KATNAL1: variants seen among roughly 807,000 people sequenced by gnomAD.
KATNAL1 encodes katanin p60 ATPase-containing subunit A-like 1.
Under a neutral mutation model 55.2 loss-of-function variants are expected in KATNAL1, and 32 were observed. That is an observed-to-expected ratio of 0.58 (90% CI 0.44 to 0.78). The LOEUF (loss-of-function observed/expected upper bound fraction) is 0.78. Ranked by LOEUF, KATNAL1 falls within the 30% of genes least tolerant of loss-of-function variation. The pLI, the probability that KATNAL1 is intolerant of heterozygous loss-of-function variation, is 0.00. For synonymous variants in KATNAL1, 193 were observed against 193.6 expected (o/e 1.00, Z 0.02); for missense variants, 466 against 600.9 (o/e 0.78, Z 2.35).
At chr13:30,216,320 G>C (rs1326147682) in intron 9 of KATNAL1, among the ~76,000 whole-genome samples, 16 of 152,146 alleles carry the variant, frequency 1.1e-4, no homozygotes, top group Non-Finnish European at 2.2e-4. Flanking sequence ...TGCTGGGAGG[G>C]AACACGCTGG....
In KATNAL1 at chr13:30,255,502, T is replaced by C; in HGVS notation, c.437A>G (p.Glu146Gly). The stretch of plus-strand genomic sequence containing the variant: ...CTTGTCCCTACTTGTAGAAGGCTTT[T>C]CACTCTTTGATATAGGATGTGCTCG... ...VGRAHPISKS[E>G]KPSTSRDKDY... The change falls in exon 4 of 11, where the codon GAA becomes GGA. Residue 146 changes from glutamate (E) to glycine (G), a missense_variant. By Grantham distance (98) the Glu-to-Gly change is moderately conservative. Around this residue, in one of 3 missense-constraint regions of KATNAL1, gnomAD observed 248 missense variants for 275.5 expected, o/e 0.90. Coordinates refer to ENST00000380615, the MANE Select transcript of KATNAL1 (RefSeq NM_032116.5). 6.3e-7 allele frequency: 1 copy of C among 1,598,388 alleles called. No homozygotes were observed. The highest frequency in any genetic ancestry group is 8.5e-7 in the Non-Finnish European group (1 of 1,171,998).
intron 1 of KATNAL1, among the ~76,000 whole-genome samples, chr13:30,293,150 T>C (rs985439216): frequency 6.6e-6 from 1 of 152,172 alleles, no homozygotes; most frequent in African/African-American, 2.4e-5. Flanking sequence ...TTTTTTCTGC[T>C]GTGAAATGCC....
chr13:30,208,764 C>A (rs1873385516), intron 10 of KATNAL1, 26 bp from the exon 11 acceptor site: 1 of 1,521,550 alleles, frequency 6.6e-7, no homozygotes. Context: ...AATCAGTCAA[C>A]AGTAATTTTT....
chr13:30,227,664 G>C, intron 8 of KATNAL1, 118 bp from the exon 9 acceptor site: 1 of 1,027,756 alleles, frequency 9.7e-7, no homozygotes, highest in Non-Finnish European at 1.4e-6. Context: ...GTGCAGTCCT[G>C]ACCTCTGTGT....
intron 3 of KATNAL1, among the ~76,000 whole-genome samples, chr13:30,271,878 G>GAAAAAAAAAAAAAAAAAAAAAAAA (rs71299873): frequency 9.1e-5 from 7 of 76,782 alleles, no homozygotes; most frequent in Non-Finnish European, 1.5e-4. Context: ...AAGAAAAGAG[G>GAAAAAAAAAAAAAAAAAAAAAAAA]AAAAAAAAAA....
rs2137551409 is a variant in KATNAL1, at chr13:30,290,445, A to C, written c.-14-6654T>G. 1.3e-5 allele frequency among the ~76,000 whole-genome samples: 2 copies of C among 152,362 alleles called. 1 individual carries two copies. Among genetic ancestry groups the C allele is most frequent in the South Asian group, 4.1e-4 (2 of 4,828 alleles). ...AATGGACAAATTCTATGATGGTCAC[A>C]CACCAAAGCTTGCCCAAGAAGAGAC... On this transcript the variant is annotated intron_variant, in intron 1 of 10. Transcript: ENST00000380615.
intron 6 of KATNAL1, among the ~76,000 whole-genome samples, chr13:30,238,298 C>A (rs113168381): frequency 1.2e-4 from 18 of 152,218 alleles, no homozygotes; most frequent in African/African-American, 4.3e-4. Context: ...ATGAGATAAC[C>A]ATTATTATTC....
At chr13:30,285,905 TG>T (rs1881750960) in intron 1 of KATNAL1, among the ~76,000 whole-genome samples, 1 of 152,224 alleles carries the variant, frequency 6.6e-6, no homozygotes, top group Admixed American at 6.5e-5. Flanking sequence ...ATTTTGTCCC[TG>T]CCCTAGAGAT....
At chr13:30,293,586 T>C (rs1254246772) in intron 1 of KATNAL1, among the ~76,000 whole-genome samples, 1 of 152,196 alleles carries the variant, frequency 6.6e-6, no homozygotes, top group Non-Finnish European at 1.5e-5. Flanking sequence ...TTGATGAGTT[T>C]TGAAAACTTT....
intron 6 of KATNAL1, 30 bp downstream of exon 6, chr13:30,240,430 T>G (rs965684890): frequency 2.8e-6 from 4 of 1,438,986 alleles, no homozygotes; most frequent in Middle Eastern, 1.8e-4. Context: ...GTAGCATTCT[T>G]ATATCAAAAC....
At chr13:30,212,208 A>G (rs1873755661) in intron 9 of KATNAL1, among the ~76,000 whole-genome samples, 1 of 152,240 alleles carries the variant, frequency 6.6e-6, no homozygotes, top group African/African-American at 2.4e-5. Flanking sequence ...ACCACATTAA[A>G]ATGAGGAACT....
At chr13:30,216,591 T>TCCTTGATCCCAGCCAA (rs1295255660) in intron 9 of KATNAL1, among the ~76,000 whole-genome samples, 1 of 152,160 alleles carries the variant, frequency 6.6e-6, no homozygotes, top group Non-Finnish European at 1.5e-5. Flanking sequence ...GGAGCCCCCA[T>TCCTTGATCCCAGCCAA]CCTTGATCCC....
At chr13:30,288,375 CACTT>C (rs1881930207) in intron 1 of KATNAL1, among the ~76,000 whole-genome samples, 1 of 152,122 alleles carries the variant, frequency 6.6e-6, no homozygotes, top group Admixed American at 6.5e-5. Flanking sequence ...ATTTCCTTGG[CACTT>C]ACATCGAGTT....
chr13:30,305,380 C>T (rs1883116247), intron 1 of KATNAL1, among the ~76,000 whole-genome samples: 1 of 152,246 alleles, frequency 6.6e-6, no homozygotes, highest in Admixed American at 6.5e-5. Flanking sequence ...CTCATCATCA[C>T]TCCAGTGAAA....
chr13:30,219,691 C>T (rs920038506), intron 9 of KATNAL1, among the ~76,000 whole-genome samples: 12 of 152,086 alleles, frequency 7.9e-5, no homozygotes, highest in African/African-American at 2.9e-4. Context: ...GGTTTGGGAG[C>T]CCCTTGGGGA....
chr13:30,231,238 G>A, intron 7 of KATNAL1, 76 bp downstream of exon 7: 1 of 1,171,938 alleles, frequency 8.5e-7, no homozygotes, highest in Non-Finnish European at 1.2e-6. Context: ...AAAGATTCCA[G>A]GTGGACAGAA....
chr13:30,217,122 T>G (rs1211367421), intron 9 of KATNAL1, among the ~76,000 whole-genome samples: 4 of 152,314 alleles, frequency 2.6e-5, no homozygotes, highest in East Asian at 3.9e-4. Context: ...ATGTCAGTAA[T>G]TTTTTAGAAT....
chr13:30,282,925 A>T (rs1323270300), intron 2 of KATNAL1, among the ~76,000 whole-genome samples: 1 of 144,688 alleles, frequency 6.9e-6, no homozygotes, highest in Non-Finnish European at 1.5e-5. Flanking sequence ...ACTGCACTCC[A>T]GCCTGGGAAA....
chr13:30,236,507 T>C (rs1266131252), intron 6 of KATNAL1, among the ~76,000 whole-genome samples: 2 of 152,192 alleles, frequency 1.3e-5, no homozygotes, highest in Non-Finnish European at 2.9e-5. Context: ...CATTTTTCAC[T>C]AACCAAAAAG....
Sources: gnomAD v4.1 joint callset for allele counts (sites outside exome capture counted in the v4.1 genomes callset) on GRCh38, gnomAD v4.1.1 for gene constraint, gnomAD v4.1.1 regional missense constraint, MANE v1.5 for transcripts, NCBI Gene and HGNC (gene_info 2026-07-23, HGNC 2026-07-21) for gene names.